The following MIS18BP1 variants were observed in gnomAD, a reference collection of about 807,000 sequenced individuals.
MIS18BP1 encodes the protein MIS18 binding protein 1.
In MIS18BP1, 72 loss-of-function variants were observed where a neutral mutation model predicts 116.1. That is an observed-to-expected ratio of 0.62 (90% confidence interval 0.51 to 0.75). MIS18BP1 has a LOEUF of 0.75. MIS18BP1 is among the 30% of genes least tolerant of loss of function. The probability of loss-of-function intolerance (pLI) is 0.00; values close to 1 mark genes in which losing one functional copy is unlikely to be tolerated. For missense variants in MIS18BP1, 1,363 were observed against 1,303.2 expected (o/e 1.05, Z -0.71); for synonymous variants, 386 against 427.0 (o/e 0.90, Z 1.18).
At chr14:45,204,861 TTACAG>T (rs1371535641) in intron 15 of MIS18BP1, among the ~76,000 whole-genome samples, 1 of 152,078 alleles carries the variant, frequency 6.6e-6, no homozygotes, top group Non-Finnish European at 1.5e-5. Flanking sequence ...TACTGTACTA[TTACAG>T]TATAGTAATT....
At chr14:45,218,871 G>C (rs746325519) in intron 11 of MIS18BP1, among the ~76,000 whole-genome samples, 1 of 129,386 alleles carries the variant, frequency 7.7e-6, no homozygotes, top group Non-Finnish European at 1.8e-5. Flanking sequence ...CTCTTATACA[G>C]TCTAGGTTAT....
chr14:45,250,959 C>A (rs528930852), intron 1 of MIS18BP1, among the ~76,000 whole-genome samples: 3 of 151,544 alleles, frequency 2.0e-5, no homozygotes, highest in Non-Finnish European at 4.4e-5. Flanking sequence ...ATGGAGTGAA[C>A]CCGGGAGGCG....
Position 45,234,786 on chromosome 14 carries a change from A to AT in MIS18BP1, c.1348+1027dup, listed in dbSNP as rs569300214. Among the ~76,000 whole-genome samples, 15 of 152,340 alleles carry AT rather than the reference A, an allele frequency of 9.8e-5. No individual in the cohort carries two copies. In the East Asian group the frequency reaches 2.7e-3, roughly 27 times the overall value. ...AGTTATATTCAGCTGTGTGCAAGGC[A>AT]TAGGTGGAAAATTAGGTTACACCAG... On this transcript the variant is annotated intron_variant, in intron 6 of 16. Coordinates refer to ENST00000310806, the MANE Select transcript of MIS18BP1 (RefSeq NM_018353.5).
rs1439513112 is a variant in MIS18BP1 at position 45,237,856 on chromosome 14, CATTCT to C, written c.1144-140_1144-136del. 8 of 1,246,782 alleles carry C rather than the reference CATTCT, an allele frequency of 6.4e-6. No individual in the cohort carries two copies. The African/African-American group carries it at 1.3e-4, about 20-fold the overall frequency. 77.2% of individuals were successfully genotyped at this position (1,246,782 alleles called of 1,614,324 possible). On this transcript the variant is annotated intron_variant, in intron 4 of 16. Transcript: ENST00000310806. ...CTTAGTGTCATCGATGTAAGATTCACATTCTATTCTAAATAGCAATAGGTAAAATT... is the reference window on the plus strand; with the variant it reads ...CTTAGTGTCATCGATGTAAGATTCACATTCTAAATAGCAATAGGTAAAATT...
In MIS18BP1 at chr14:45,203,196, A is replaced by G. The variant is rs1890413092; in HGVS notation, c.*913T>C. 1 of 152,184 alleles carries G rather than the reference A, an allele frequency of 6.6e-6. No individual in the cohort carries two copies. Among genetic ancestry groups the G allele is most frequent in the Admixed American group, 6.5e-5 (1 of 15,284 alleles). The allele number at this position is 152,184 out of a possible 1,614,324, so 9.4% of individuals were successfully genotyped here. On this transcript the variant is annotated 3_prime_UTR_variant, in exon 17 of 17. Transcript: ENST00000310806. ...ACAAAAAACAAGAAACAAATACTAT[A>G]AAAGCAAACTAACTTTATTTGAATA...
rs1246539908 is a variant in MIS18BP1, at chr14:45,224,200, G to T, written c.2387C>A (p.Thr796Asn). Residue 796 changes from threonine (T) to asparagine (N), a missense_variant, in exon 11 of 17, where the codon ACC (threonine) becomes AAC (asparagine). Physicochemically the swap from Thr to Asn is moderately conservative, Grantham distance 65. Transcript: ENST00000310806. ...AEVKKTKAGN[T>N]KEAVVHLRKS... ...TCTCAGGTGAACCACTGCTTCTTTG[G>T]TGTTTCCTGCTTTGGTTTTCTTAAC... The T allele has an allele frequency of 6.2e-7, 1 of 1,613,908 alleles. No homozygotes were observed. Among genetic ancestry groups the T allele is most frequent in the Admixed American group, 1.7e-5 (1 of 60,008 alleles).
At position 45,204,444 on chromosome 14, in the gene MIS18BP1, C is replaced by T; in HGVS notation, c.3250G>A (p.Asp1084Asn). The T allele has an allele frequency of 6.2e-7, 1 of 1,602,550 alleles. No individual in the cohort carries two copies. The highest frequency in any genetic ancestry group is 8.5e-7 in the Non-Finnish European group (1 of 1,175,514). Residue 1084 changes from aspartate to asparagine, a missense_variant, in exon 16 of 17, where the codon GAT (aspartate) becomes AAT (asparagine). Transcript: ENST00000310806. ...GNIKKKLVET[D>N]FSTPTPRRKT... ...CTTCTTGGTGTTGGAGTTGAGAAATCAGTTTCAACCTATAAAAGAGTTACT... is the reference window on the plus strand; with the variant it reads ...CTTCTTGGTGTTGGAGTTGAGAAATTAGTTTCAACCTATAAAAGAGTTACT...
chr14:45,251,436 T>G (rs1276077677), intron 1 of MIS18BP1, among the ~76,000 whole-genome samples: 1 of 152,122 alleles, frequency 6.6e-6, no homozygotes, highest in African/African-American at 2.4e-5. Context: ...CAATTATGTA[T>G]ATGATCCTGA....
rs561242932 is a variant in MIS18BP1 at position 45,230,999 on chromosome 14, A to G, written c.1594+142T>C. ...ATAGTTACTTCTCATATAGTAGTGA[A>G]GAAGCAGGAATGTGGGGGCAGTATA... is the stretch of plus-strand genomic sequence containing the variant. On this transcript the variant is annotated intron_variant, in intron 8 of 16. Coordinates refer to ENST00000310806, the MANE Select transcript of MIS18BP1 (RefSeq NM_018353.5). 100 of 722,394 alleles carry G rather than the reference A, an allele frequency of 1.4e-4. No individual in the cohort carries two copies. In the South Asian group the frequency reaches 3.4e-3, roughly 25 times the overall value. The allele number at this position is 722,394 out of a possible 1,614,324, so 44.7% of individuals were successfully genotyped here.
At chr14:45,249,855 C>T (rs1891821096) in intron 1 of MIS18BP1, among the ~76,000 whole-genome samples, 1 of 152,080 alleles carries the variant, frequency 6.6e-6, no homozygotes, top group Admixed American at 6.6e-5. Context: ...GCCTAGGCGA[C>T]GGAGTGAGAC....
chr14:45,226,913 C>T, intron 9 of MIS18BP1, 77 bp from the exon 10 acceptor site: 1 of 1,137,384 alleles, frequency 8.8e-7, no homozygotes, highest in Non-Finnish European at 1.1e-6. Flanking sequence ...TCATAGTATG[C>T]ATCAAGCATA....
chr14:45,229,721 G>T (rs1891223526), intron 8 of MIS18BP1, among the ~76,000 whole-genome samples: 1 of 152,116 alleles, frequency 6.6e-6, no homozygotes, highest in East Asian at 1.9e-4. Context: ...CAAGACTAAA[G>T]ACCAACAAAT....
chr14:45,251,078 T>C (rs1247493611), intron 1 of MIS18BP1, among the ~76,000 whole-genome samples: 2 of 151,272 alleles, frequency 1.3e-5, no homozygotes, highest in Non-Finnish European at 2.9e-5. Context: ...TAAGCATTTA[T>C]AGTACAGTCA....
chr14:45,210,672 T>C, intron 13 of MIS18BP1, 144 bp from the exon 14 acceptor site: 1 of 883,556 alleles, frequency 1.1e-6, no homozygotes, highest in Non-Finnish European at 1.7e-6. Context: ...CGTAGAGGAG[T>C]AGAGGCTAGA....
intron 6 of MIS18BP1, among the ~76,000 whole-genome samples, chr14:45,233,404 A>G (rs57607457): frequency 0.21 from 31,919 of 151,918 alleles, 4,970 homozygotes; most frequent in African/African-American, 0.44. Context: ...TATAGAACTG[A>G]CCATTTACTT....
chr14:45,219,318 G>A (rs761352782), intron 11 of MIS18BP1, among the ~76,000 whole-genome samples: 17 of 152,022 alleles, frequency 1.1e-4, no homozygotes, highest in Admixed American at 3.3e-4. Context: ...CAGTTCTCTC[G>A]GGGTTAAACA....
intron 13 of MIS18BP1, among the ~76,000 whole-genome samples, chr14:45,211,816 C>T (rs554094673): frequency 1.4e-4 from 22 of 152,202 alleles, no homozygotes; most frequent in Non-Finnish European, 2.9e-4. Flanking sequence ...GAGCTTCCAG[C>T]AATAGCCAAG....
rs779906479 is a variant in MIS18BP1 at position 45,224,742 on chromosome 14, TG to T, written c.1844del (p.Thr615LysfsTer12). 1 of 1,558,648 alleles carries T rather than the reference TG, an allele frequency of 6.4e-7. No homozygotes were observed. Among genetic ancestry groups the T allele is most frequent in the Non-Finnish European group, 8.6e-7 (1 of 1,159,356 alleles). ...ERIIKSQKQE[T>X]TEELDVSIDI... ...CAATGGATACATCCAATTCTTCAGT[TG>T]TCTCTTTAATTTCATAAGACAAAAC... On this transcript the variant is annotated frameshift_variant, in exon 11 of 17. Transcript: ENST00000310806. LOFTEE classifies it high-confidence loss of function.
intron 1 of MIS18BP1, among the ~76,000 whole-genome samples, chr14:45,248,300 C>T (rs938874841): frequency 1.3e-5 from 2 of 152,046 alleles, no homozygotes; most frequent in Admixed American, 6.6e-5. Context: ...CTCCTGACCT[C>T]AGGTGATCTG....
Sources: allele counts gnomAD v4.1 joint callset (sites outside exome capture counted in the v4.1 genomes callset), GRCh38; gene constraint gnomAD v4.1.1; transcripts MANE v1.5; gene names NCBI Gene and HGNC (gene_info 2026-07-23, HGNC 2026-07-21).